Variants in MTCL2 observed in about 807,000 individuals in gnomAD.
MTCL2 encodes microtubule cross-linking factor 2.
the MTCL2 span, chr20:36,808,534 G>A: frequency 1.1e-5 from 17 of 1,601,248 alleles, no homozygotes; most frequent in South Asian, 5.6e-5. Flanking sequence ...CATCCCCTTC[G>A]CTGGGCAAAA....
At chr20:36,789,220 C>A in the MTCL2 span, among the ~76,000 whole-genome samples, 1 of 152,156 alleles carries the variant, frequency 6.6e-6, no homozygotes, top group African/African-American at 2.4e-5. Flanking sequence ...ATCCAGCCAG[C>A]TTTGTGCTGT....
At chr20:36,782,383 C>T in the MTCL2 span, 2 of 152,232 alleles carry the variant, frequency 1.3e-5, no homozygotes, top group African/African-American at 4.8e-5. Flanking sequence ...CAGAGTTGGA[C>T]CCAAGTTCTC....
chr20:36,852,396 A>G, the MTCL2 span, among the ~76,000 whole-genome samples: 2 of 152,128 alleles, frequency 1.3e-5, no homozygotes, highest in South Asian at 4.2e-4. Context: ...AGCCCCACCC[A>G]AGAGGCCAGG....
the MTCL2 span, chr20:36,780,621 T>G: frequency 6.6e-6 from 1 of 152,176 alleles, no homozygotes; most frequent in East Asian, 1.9e-4. Flanking sequence ...TCACTTTCCA[T>G]TTGTGTAGAA....
At chr20:36,816,319 G>C in the MTCL2 span, 16 of 1,552,586 alleles carry the variant, frequency 1.0e-5, no homozygotes, top group African/African-American at 2.2e-4. Context: ...TGGGACCACA[G>C]AGACAGACAC....
At chr20:36,829,191 G>A in the MTCL2 span, 9 of 1,610,248 alleles carry the variant, frequency 5.6e-6, no homozygotes, top group Admixed American at 1.7e-5. Context: ...TTATGCAGCC[G>A]CATGGAGATG....
At chr20:36,805,809 G>A in the MTCL2 span, 1 of 1,494,402 alleles carries the variant, frequency 6.7e-7, no homozygotes, top group Non-Finnish European at 9.1e-7. Context: ...GCAGACAAAG[G>A]AATGAATGGA....
At chr20:36,861,426 T>G in the MTCL2 span, among the ~76,000 whole-genome samples, 1 of 152,060 alleles carries the variant, frequency 6.6e-6, no homozygotes, top group Admixed American at 6.6e-5. Context: ...CTACAAGCAT[T>G]TACAGAACTC....
At chr20:36,848,230 G>T in the MTCL2 span, among the ~76,000 whole-genome samples, 1 of 152,280 alleles carries the variant, frequency 6.6e-6, no homozygotes, top group African/African-American at 2.4e-5. Context: ...GGGTAGGCAG[G>T]GTCTGTCTAC....
the MTCL2 span, among the ~76,000 whole-genome samples, chr20:36,861,062 G>A: frequency 6.6e-6 from 1 of 152,204 alleles, no homozygotes. Context: ...GCAAAGCTCT[G>A]CAACCCATCC....
chr20:36,786,574 C>T, the MTCL2 span: 14 of 1,550,892 alleles, frequency 9.0e-6, no homozygotes, highest in Non-Finnish European at 1.2e-5. Context: ...TGGCGGATGG[C>T]AGAGCGGGAC....
the MTCL2 span, among the ~76,000 whole-genome samples, chr20:36,805,220 T>C: frequency 1.3e-5 from 2 of 152,180 alleles, no homozygotes; most frequent in African/African-American, 4.8e-5. Flanking sequence ...GTCCTTCTCC[T>C]CACTCAGGAT....
At chr20:36,817,403 T>A in the MTCL2 span, 1 of 1,581,644 alleles carries the variant, frequency 6.3e-7, no homozygotes, top group Middle Eastern at 1.7e-4. Context: ...CTGCTGGGAA[T>A]TACCTGCACC....
the MTCL2 span, chr20:36,778,804 C>A: frequency 6.6e-6 from 1 of 152,264 alleles, no homozygotes; most frequent in Non-Finnish European, 1.5e-5. Flanking sequence ...GATCACAAGA[C>A]TGGGAAGGTA....
chr20:36,794,254 G>A, the MTCL2 span: 16 of 1,550,334 alleles, frequency 1.0e-5, no homozygotes, highest in Middle Eastern at 1.7e-4. This position sits in a 1 kb window ranked among gnomAD's most constrained non-coding sequence, Gnocchi z 5.4. Context: ...AGCCGGGCTC[G>A]ATAATGATCT....
At chr20:36,809,695 C>T in the MTCL2 span, among the ~76,000 whole-genome samples, 2 of 152,012 alleles carry the variant, frequency 1.3e-5, no homozygotes, top group Middle Eastern at 6.8e-3. Context: ...CTTGCCTCAG[C>T]CTCCTGAGTA....
the MTCL2 span, among the ~76,000 whole-genome samples, chr20:36,845,552 G>C: frequency 4.6e-5 from 7 of 152,254 alleles, no homozygotes; most frequent in African/African-American, 1.7e-4. Context: ...AGGGTGAGCT[G>C]ACAAAGGCAG....
chr20:36,855,610 C>T, the MTCL2 span, among the ~76,000 whole-genome samples: 3 of 152,214 alleles, frequency 2.0e-5, no homozygotes. Flanking sequence ...GCTGGGCAGG[C>T]CCTTGCTTGA....
chr20:36,801,703 T>G, the MTCL2 span, among the ~76,000 whole-genome samples: 2 of 152,182 alleles, frequency 1.3e-5, no homozygotes, highest in South Asian at 2.1e-4. Flanking sequence ...CGGTGGTTCA[T>G]GCCTGTAATC....
Sources: allele counts gnomAD v4.1 joint callset (sites outside exome capture counted in the v4.1 genomes callset), GRCh38; gene constraint gnomAD v4.1.1; non-coding constraint Gnocchi (gnomAD v3.1); transcripts MANE v1.5; gene names NCBI Gene and HGNC (gene_info 2026-07-23, HGNC 2026-07-21).